SLC24A2: variants seen among roughly 807,000 people sequenced by gnomAD.
SLC24A2 encodes the protein sodium/potassium/calcium exchanger 2.
SLC24A2 carries 36 observed loss-of-function variants against 62.0 expected under a neutral mutation model. The observed-to-expected ratio is 0.58, with a 90% CI of 0.44 to 0.77. SLC24A2 has a LOEUF of 0.77. Ranked by LOEUF, SLC24A2 falls within the 30% of genes least tolerant of loss-of-function variation. SLC24A2 has a pLI of 0.00. For synonymous variants in SLC24A2, 358 were observed against 294.0 expected, an observed-to-expected ratio of 1.22 and a Z score of -2.23; for missense variants, 846 against 817.9, an observed-to-expected ratio of 1.03 and a Z score of -0.42.
At chr9:19,622,967 G>A (rs1019383642) in intron 2 of SLC24A2, among the ~76,000 whole-genome samples, 2 of 152,118 alleles carry the variant, frequency 1.3e-5, no homozygotes, top group Admixed American at 1.3e-4. Context: ...ATCACCTCAA[G>A]TTTTCTATTC....
chr9:20,154,830 T>G, the SLC24A2 span, among the ~76,000 whole-genome samples: 1 of 151,702 alleles, frequency 6.6e-6, no homozygotes, highest in African/African-American at 2.4e-5. Context: ...CCTGCCATCC[T>G]CTGTGTGTCA....
intron 10 of SLC24A2, among the ~76,000 whole-genome samples, chr9:19,518,679 C>A (rs1001322068): frequency 2.0e-5 from 3 of 152,148 alleles, no homozygotes; most frequent in Non-Finnish European, 4.4e-5. Context: ...CTCAGCCTCC[C>A]AAAGTGCTGG....
chr9:20,112,765 C>T, the SLC24A2 span, among the ~76,000 whole-genome samples: 1 of 151,996 alleles, frequency 6.6e-6, no homozygotes, highest in Non-Finnish European at 1.5e-5. Flanking sequence ...GAAGGCGAAT[C>T]ACCTAATTTT....
chr9:19,528,770 C>T (rs570531646), intron 8 of SLC24A2, among the ~76,000 whole-genome samples: 1 of 152,184 alleles, frequency 6.6e-6, no homozygotes, highest in African/African-American at 2.4e-5. Flanking sequence ...CCAGAGTAGA[C>T]AGAGGCAGAA....
intron 2 of SLC24A2, among the ~76,000 whole-genome samples, chr9:19,731,172 T>C (rs1210315702): frequency 6.6e-6 from 1 of 152,224 alleles, no homozygotes; most frequent in Non-Finnish European, 1.5e-5. Context: ...GAAGGTGGTC[T>C]AGCTGGTGGA....
At chr9:20,012,283 T>C in the SLC24A2 span, among the ~76,000 whole-genome samples, 4 of 152,098 alleles carry the variant, frequency 2.6e-5, no homozygotes, top group Admixed American at 6.6e-5. Context: ...GAAAGACACA[T>C]CTCACATGGC....
chr9:20,050,383 T>C, the SLC24A2 span, among the ~76,000 whole-genome samples: 27 of 151,970 alleles, frequency 1.8e-4, no homozygotes, highest in African/African-American at 6.0e-4. Context: ...ACCACTGCAC[T>C]CTAGCCTGGA....
chr9:19,792,708 C>A (rs370110468), upstream of SLC24A2, among the ~76,000 whole-genome samples: 6 of 148,228 alleles, frequency 4.0e-5, no homozygotes, highest in South Asian at 2.1e-4. Flanking sequence ...AACTCCATCT[C>A]AAAAAAAAAA....
At chr9:19,546,515 G>A (rs917567034) in intron 8 of SLC24A2, among the ~76,000 whole-genome samples, 1 of 152,124 alleles carries the variant, frequency 6.6e-6, no homozygotes, top group African/African-American at 2.4e-5. Flanking sequence ...TTAAGCCTCA[G>A]CACTGGTTGA....
the SLC24A2 span, among the ~76,000 whole-genome samples, chr9:19,889,844 A>T: frequency 6.6e-6 from 1 of 152,180 alleles, no homozygotes; most frequent in Non-Finnish European, 1.5e-5. Context: ...TTAGGGTTGT[A>T]CTGTAGATGT....
chr9:20,057,097 A>ATG, the SLC24A2 span, among the ~76,000 whole-genome samples: 6 of 152,096 alleles, frequency 3.9e-5, no homozygotes, highest in Non-Finnish European at 4.4e-5. Flanking sequence ...AAGTGGGTAT[A>ATG]TGTGTGTGTG....
chr9:19,561,361 C>A (rs757324776), intron 7 of SLC24A2, among the ~76,000 whole-genome samples: 4 of 152,036 alleles, frequency 2.6e-5, no homozygotes. Context: ...GAAGGCAATG[C>A]CATCTGAAAC....
chr9:20,134,510 G>A, the SLC24A2 span, among the ~76,000 whole-genome samples: 4 of 152,230 alleles, frequency 2.6e-5, no homozygotes, highest in South Asian at 2.1e-4. Flanking sequence ...AAAGGAAACC[G>A]AAAGAGCCTT....
At chr9:19,718,183 G>T (rs1395204658) in intron 2 of SLC24A2, among the ~76,000 whole-genome samples, 1 of 151,088 alleles carries the variant, frequency 6.6e-6, no homozygotes, top group Non-Finnish European at 1.5e-5. Flanking sequence ...CTCCCTGTTG[G>T]TAAGGCTGGT....
chr9:19,743,681 A>G (rs895816885), intron 2 of SLC24A2, among the ~76,000 whole-genome samples: 24 of 152,162 alleles, frequency 1.6e-4, no homozygotes, highest in Non-Finnish European at 1.9e-4. Context: ...AAATTATTTA[A>G]CTGCTGCCCT....
At chr9:19,591,442 T>C (rs1466304129) in intron 5 of SLC24A2, among the ~76,000 whole-genome samples, 1 of 152,200 alleles carries the variant, frequency 6.6e-6, no homozygotes, top group Admixed American at 6.5e-5. Context: ...GCCTAAATTA[T>C]TGGGGACAGC....
intron 2 of SLC24A2, among the ~76,000 whole-genome samples, chr9:19,693,132 G>A (rs1293215723): frequency 6.6e-6 from 1 of 151,954 alleles, no homozygotes; most frequent in South Asian, 2.1e-4. Flanking sequence ...AAGTTCCAGG[G>A]TACATGTGCA....
chr9:19,665,551 T>G (rs1023938025), intron 2 of SLC24A2, among the ~76,000 whole-genome samples: 5 of 152,166 alleles, frequency 3.3e-5, no homozygotes, highest in Non-Finnish European at 7.3e-5. Context: ...AAAGTAGATA[T>G]GTATTGCCTG....
At chr9:20,261,030 AT>A in the SLC24A2 span, among the ~76,000 whole-genome samples, 1 of 151,148 alleles carries the variant, frequency 6.6e-6, no homozygotes, top group Non-Finnish European at 1.5e-5. Flanking sequence ...TAATTTTTGT[AT>A]TTTTAGTAGA....
Sources: allele counts gnomAD v4.1 joint callset (sites outside exome capture counted in the v4.1 genomes callset), GRCh38; gene constraint gnomAD v4.1.1; transcripts MANE v1.5; gene names NCBI Gene and HGNC (gene_info 2026-07-23, HGNC 2026-07-21).